The following LINGO2 variants were observed in gnomAD, a reference collection of about 807,000 sequenced individuals.
LINGO2 encodes the protein leucine rich repeat and Ig domain containing 2.
A neutral mutation model predicts 30.6 loss-of-function variants in LINGO2; 14 were observed. The observed-to-expected ratio is 0.46, with a 90% CI of 0.30 to 0.72. The LOEUF is 0.72. Among genes scored for constraint, LINGO2 ranks in the 30% least tolerant of loss-of-function variants. The pLI, the probability that LINGO2 is intolerant of heterozygous loss-of-function variation, is 0.07. For missense variants in LINGO2, 729 were observed against 751.7 expected (o/e 0.97, Z 0.35); for synonymous variants, 317 against 288.5 (o/e 1.10, Z -1.00).
chr9:28,988,467 TA>T, the LINGO2 span, among the ~76,000 whole-genome samples: 16 of 150,200 alleles, frequency 1.1e-4, no homozygotes, highest in East Asian at 9.8e-4. Context: ...GTGGAGTCTT[TA>T]AAAAAAAAAT....
chr9:28,785,588 A>G, the LINGO2 span, among the ~76,000 whole-genome samples: 3 of 152,088 alleles, frequency 2.0e-5, no homozygotes, highest in Non-Finnish European at 4.4e-5. Flanking sequence ...CCCTAGCAAC[A>G]CTGTCTGACA....
At chr9:28,679,119 C>T in the LINGO2 span, among the ~76,000 whole-genome samples, 1 of 151,892 alleles carries the variant, frequency 6.6e-6, no homozygotes, top group African/African-American at 2.4e-5. Flanking sequence ...TGTAAAACAC[C>T]TAGAGAAATT....
intron 1 of LINGO2, among the ~76,000 whole-genome samples, chr9:28,540,999 T>C (rs1464033782): frequency 1.3e-5 from 2 of 152,186 alleles, no homozygotes; most frequent in Admixed American, 1.3e-4. Context: ...CACTCCAATA[T>C]ACTTGTTAGA....
intron 1 of LINGO2, among the ~76,000 whole-genome samples, chr9:28,659,737 CCAT>C (rs1443929135): frequency 3.9e-5 from 6 of 152,116 alleles, no homozygotes; most frequent in African/African-American, 1.4e-4. Context: ...GCATGAGCCA[CCAT>C]GCTTGGCCAA....
At chr9:28,599,518 C>G (rs1307210258) in intron 1 of LINGO2, among the ~76,000 whole-genome samples, 1 of 151,866 alleles carries the variant, frequency 6.6e-6, no homozygotes, top group Non-Finnish European at 1.5e-5. Flanking sequence ...TGGTGTTTTT[C>G]TATGAATGAG....
the LINGO2 span, among the ~76,000 whole-genome samples, chr9:28,677,731 T>C: frequency 1.3e-5 from 2 of 152,144 alleles, no homozygotes; most frequent in African/African-American, 4.8e-5. Flanking sequence ...AATAAACTGC[T>C]CTAATGAAAA....
intron 1 of LINGO2, among the ~76,000 whole-genome samples, chr9:28,665,014 T>TAC: frequency 9.6e-6 from 1 of 103,870 alleles, no homozygotes; most frequent in Non-Finnish European, 1.8e-5. Context: ...TATATATATA[T>TAC]ATATATATAT....
At chr9:28,683,152 G>A in the LINGO2 span, among the ~76,000 whole-genome samples, 5 of 152,028 alleles carry the variant, frequency 3.3e-5, no homozygotes, top group Non-Finnish European at 5.9e-5. Flanking sequence ...TCTTTGCCCA[G>A]TACTTGTGCT....
intron 1 of LINGO2, among the ~76,000 whole-genome samples, chr9:28,531,048 AATATAT>A (rs543973777): frequency 6.8e-6 from 1 of 146,454 alleles, no homozygotes; most frequent in Non-Finnish European, 1.5e-5. Context: ...TATAAAAATA[AATATAT>A]ATATATATAT....
the LINGO2 span, among the ~76,000 whole-genome samples, chr9:28,792,464 A>G: frequency 2.0e-5 from 3 of 152,082 alleles, no homozygotes; most frequent in South Asian, 6.2e-4. Flanking sequence ...TAAACACACT[A>G]TCTTCAGCTA....
Position 28,515,657 on chromosome 9 carries a change from T to A in LINGO2, c.-364-39632A>T, listed in dbSNP as rs117701875. The stretch of plus-strand genomic sequence containing the variant: ...TATCTCATGATAAAATGTGAATAGA[T>A]GAGTTGTTCTCATTAAAGAAAGTGG... On this transcript the variant is annotated intron_variant, in intron 1 of 5. Transcript: ENST00000379992. Among the ~76,000 whole-genome samples the A allele has an allele frequency of 7.0e-4, 106 of 152,334 alleles. 2 individuals are homozygous for A. The East Asian group carries it at 0.019, about 27-fold the overall frequency.
At chr9:29,130,870 T>C in the LINGO2 span, among the ~76,000 whole-genome samples, 1 of 152,002 alleles carries the variant, frequency 6.6e-6, no homozygotes, top group Non-Finnish European at 1.5e-5. Context: ...TAAGGTTAGA[T>C]AGTTGGACAC....
chr9:28,343,399 A>T (rs1819437292), intron 3 of LINGO2, among the ~76,000 whole-genome samples: 1 of 152,222 alleles, frequency 6.6e-6, no homozygotes, highest in South Asian at 2.1e-4. Context: ...CTGCAGAGCT[A>T]CGGGTCTGCC....
intron 1 of LINGO2, among the ~76,000 whole-genome samples, chr9:28,490,501 C>T (rs1223610787): frequency 1.3e-5 from 2 of 152,128 alleles, no homozygotes; most frequent in African/African-American, 2.4e-5. Context: ...AAACAATTTG[C>T]ACAGAGTCAT....
At chr9:28,049,585 ATT>A (rs1824577259) in intron 4 of LINGO2, among the ~76,000 whole-genome samples, 1 of 150,620 alleles carries the variant, frequency 6.6e-6, no homozygotes, top group African/African-American at 2.5e-5. Context: ...TTAAGTCTAG[ATT>A]TTACCGCTTA....
rs1256759407 is a variant in LINGO2, at chr9:28,506,411, TATATATATATAC to T, written c.-364-30398_-364-30387del. On this transcript the variant is annotated intron_variant, in intron 1 of 5. Coordinates refer to ENST00000379992, the Ensembl canonical transcript of LINGO2. ...AGGGCTTCTTAGACATATATATATATATATATATATACACACACACACACACACACACACACA... is the reference window on the plus strand; with the variant it reads ...AGGGCTTCTTAGACATATATATATATACACACACACACACACACACACACA... Among the ~76,000 whole-genome samples, 37 of 7,312 alleles carry T rather than the reference TATATATATATAC, an allele frequency of 5.1e-3. 1 individual carries two copies. Among genetic ancestry groups the T allele is most frequent in the South Asian group, 0.023 (2 of 86 alleles). The allele number at this position is 7,312 out of a possible 152,430, so 4.8% of individuals were successfully genotyped here.
At chr9:28,993,396 T>TCCAGGA in the LINGO2 span, among the ~76,000 whole-genome samples, 5 of 151,726 alleles carry the variant, frequency 3.3e-5, no homozygotes, top group South Asian at 1.0e-3. Context: ...CCAAAAAGAG[T>TCCAGGA]CCAGGACCAG....
intron 1 of LINGO2, among the ~76,000 whole-genome samples, chr9:28,574,820 A>G (rs558340015): frequency 6.0e-4 from 91 of 152,314 alleles, no homozygotes; most frequent in African/African-American, 2.1e-3. Flanking sequence ...ACATAAGGCA[A>G]TTCACTCAAC....
chr9:28,848,395 GTGTATATATATA>G, the LINGO2 span, among the ~76,000 whole-genome samples: 386 of 38,782 alleles, frequency 1.0e-2, 6 homozygotes, highest in African/African-American at 0.023. Context: ...GTGTGTGTGT[GTGTATATATATA>G]TATATATATA....
Sources: allele counts gnomAD v4.1 joint callset (sites outside exome capture counted in the v4.1 genomes callset), GRCh38; gene constraint gnomAD v4.1.1; transcripts MANE v1.5; gene names NCBI Gene and HGNC (gene_info 2026-07-23, HGNC 2026-07-21).